MAPK4: variants seen among roughly 807,000 people sequenced by gnomAD.
MAPK4 encodes the protein Erk3-related.
Under a neutral mutation model 47.7 loss-of-function variants are expected in MAPK4, and 22 were observed. The ratio of observed to expected loss-of-function variants is 0.46; its 90% CI spans 0.33 to 0.66. MAPK4 has a LOEUF of 0.66. Ranked by LOEUF, MAPK4 falls within the 30% of genes least tolerant of loss-of-function variation. The pLI is 0.02. For synonymous variants in MAPK4, 390 were observed against 365.7 expected, an observed-to-expected ratio of 1.07 and a Z score of -0.76; for missense variants, 736 against 831.7, an observed-to-expected ratio of 0.88 and a Z score of 1.42.
At chr18:50,593,884 G>A (rs1598806073) in intron 1 of MAPK4, among the ~76,000 whole-genome samples, 1 of 152,290 alleles carries the variant, frequency 6.6e-6, no homozygotes, top group East Asian at 1.9e-4. Flanking sequence ...AGGGAGAATT[G>A]GCTCACACAA....
intron 1 of MAPK4, among the ~76,000 whole-genome samples, chr18:50,659,155 A>G (rs2043142658): frequency 6.6e-6 from 1 of 152,210 alleles, no homozygotes; most frequent in South Asian, 2.1e-4. Flanking sequence ...CTGGCTCGTT[A>G]TAGAAAAAGT....
intron 2 of MAPK4, among the ~76,000 whole-genome samples, chr18:50,714,302 C>A (rs527898643): frequency 6.6e-6 from 1 of 152,124 alleles, no homozygotes; most frequent in East Asian, 1.9e-4. Flanking sequence ...ATGTAGAAAA[C>A]AATTTCTAAA....
chr18:50,598,605 T>A (rs1330483470), intron 1 of MAPK4, among the ~76,000 whole-genome samples: 1 of 152,264 alleles, frequency 6.6e-6, no homozygotes, highest in Non-Finnish European at 1.5e-5. Context: ...TTTATCTTCA[T>A]AATTCATGCC....
intron 1 of MAPK4, among the ~76,000 whole-genome samples, chr18:50,580,662 TC>T (rs1339641596): frequency 2.0e-5 from 3 of 152,210 alleles, no homozygotes; most frequent in Non-Finnish European, 4.4e-5. Flanking sequence ...AGACGTCTGT[TC>T]CTTGAGTCAC....
intron 1 of MAPK4, among the ~76,000 whole-genome samples, chr18:50,649,316 A>G (rs909178468): frequency 6.6e-6 from 1 of 152,232 alleles, no homozygotes; most frequent in Non-Finnish European, 1.5e-5. Flanking sequence ...ACGAAAAACA[A>G]TTGACATCAC....
At position 50,717,004 on chromosome 18, in the gene MAPK4, A is replaced by G. The variant is rs924623521; in HGVS notation, c.691+1781A>G. Among the ~76,000 whole-genome samples, 21 of 151,656 alleles carry G rather than the reference A, an allele frequency of 1.4e-4. No individual in the cohort carries two copies. The South Asian group carries it at 3.8e-3, about 27-fold the overall frequency. On this transcript the variant is annotated intron_variant, in intron 3 of 5. Transcript: ENST00000400384. ...TCCTCCCGTGCCAGCACCTCATCTC[A>G]TCTCCCATCATCCCCCACACTGAGG...
intron 2 of MAPK4, among the ~76,000 whole-genome samples, chr18:50,670,892 G>A (rs1907909834): frequency 6.6e-6 from 1 of 152,144 alleles, no homozygotes; most frequent in African/African-American, 2.4e-5. Flanking sequence ...CCCTTAGGGT[G>A]AGGCCCAGCA....
intron 2 of MAPK4, among the ~76,000 whole-genome samples, chr18:50,709,456 C>T (rs1476973516): frequency 8.5e-5 from 13 of 152,206 alleles, no homozygotes; most frequent in Admixed American, 3.9e-4. Context: ...CCACTAGGGG[C>T]GCAGGCCTGC....
At chr18:50,573,062 C>T (rs567183116) in intron 1 of MAPK4, among the ~76,000 whole-genome samples, 83 of 152,256 alleles carry the variant, frequency 5.5e-4, no homozygotes, top group Middle Eastern at 3.4e-3. Flanking sequence ...CCTAGAAGGA[C>T]ACACAAGACA....
intron 1 of MAPK4, among the ~76,000 whole-genome samples, chr18:50,645,133 C>G (rs1297152454): frequency 6.6e-6 from 1 of 152,196 alleles, no homozygotes; most frequent in Non-Finnish European, 1.5e-5. Context: ...GAAAGACACG[C>G]TCAGAGGCAA....
At chr18:50,561,058 A>G (rs998535515) in intron 1 of MAPK4, among the ~76,000 whole-genome samples, 1 of 152,138 alleles carries the variant, frequency 6.6e-6, no homozygotes, top group African/African-American at 2.4e-5. Context: ...CGAAATGACC[A>G]TTGGAGGCGG....
At chr18:50,674,518 C>T (rs1568075148) in intron 2 of MAPK4, among the ~76,000 whole-genome samples, 1 of 152,164 alleles carries the variant, frequency 6.6e-6, no homozygotes. Context: ...TGCCACTCCA[C>T]TCCCTCGTGT....
At chr18:50,582,583 A>T (rs1024173936) in intron 1 of MAPK4, among the ~76,000 whole-genome samples, 1 of 152,230 alleles carries the variant, frequency 6.6e-6, no homozygotes, top group Non-Finnish European at 1.5e-5. Flanking sequence ...TCTGTTATAG[A>T]ATTCCTTTGG....
intron 1 of MAPK4, among the ~76,000 whole-genome samples, chr18:50,636,394 G>T (rs563665529): frequency 6.6e-6 from 1 of 152,324 alleles, no homozygotes; most frequent in South Asian, 2.1e-4. Context: ...CGAGCAAAGG[G>T]CAGGGCAGCT....
At chr18:50,658,483 C>T (rs2043135183) in intron 1 of MAPK4, among the ~76,000 whole-genome samples, 2 of 152,354 alleles carry the variant, frequency 1.3e-5, no homozygotes, top group Admixed American at 6.5e-5. Context: ...ACGATATCAA[C>T]CTCACAGGGG....
intron 2 of MAPK4, 112 bp from the exon 3 acceptor site, chr18:50,714,967 T>G: frequency 9.2e-7 from 1 of 1,082,418 alleles, no homozygotes. Context: ...GGGGCAAGAA[T>G]GAAAGGGACC....
chr18:50,698,674 G>T (rs185225494), intron 2 of MAPK4, among the ~76,000 whole-genome samples: 6 of 152,216 alleles, frequency 3.9e-5, no homozygotes, highest in Admixed American at 2.0e-4. Flanking sequence ...GGAAAATTGC[G>T]GGCCAGTCTC....
chr18:50,713,760 G>A (rs1008012474), intron 2 of MAPK4, among the ~76,000 whole-genome samples: 3 of 152,244 alleles, frequency 2.0e-5, no homozygotes, highest in Admixed American at 6.5e-5. Flanking sequence ...ACTGTCAAAT[G>A]CACAAAGGAC....
In MAPK4 at chr18:50,620,214, G is replaced by A. The variant is rs140950423; in HGVS notation, c.-870-42875G>A. Among the ~76,000 whole-genome samples the A allele has an allele frequency of 4.9e-3, 752 of 152,262 alleles. 5 individuals are homozygous for A. The highest frequency in any genetic ancestry group is 6.8e-3 in the Middle Eastern group (2 of 294). ...TTCAAAAGGGGCCATAATGACCATC[G>A]AGCTGGAAGTGGAAGTGTTATAGGA... On this transcript the variant is annotated intron_variant, in intron 1 of 5. Coordinates refer to ENST00000400384, the MANE Select transcript of MAPK4 (RefSeq NM_002747.4).
Sources: allele counts gnomAD v4.1 joint callset (sites outside exome capture counted in the v4.1 genomes callset), GRCh38; gene constraint gnomAD v4.1.1; transcripts MANE v1.5; gene names NCBI Gene and HGNC (gene_info 2026-07-23, HGNC 2026-07-21).